Variants in LPCAT3 observed in about 807,000 individuals in gnomAD.
LPCAT3 encodes lysophospholipid acyltransferase 5.
In LPCAT3, 21 loss-of-function variants were observed where a neutral mutation model predicts 63.4. That is an observed-to-expected ratio of 0.33 (90% CI 0.23 to 0.48). The LOEUF (loss-of-function observed/expected upper bound fraction) is 0.48. Among genes scored for constraint, LPCAT3 ranks in the 20% least tolerant of loss-of-function variants. LPCAT3 has a pLI of 0.99. For synonymous variants in LPCAT3, 242 were observed against 227.5 expected (o/e 1.06, Z -0.58); for missense variants, 451 against 590.6 (o/e 0.76, Z 2.45).
chr12:6,999,669 C>T (rs782503883), intron 1 of LPCAT3, among the ~76,000 whole-genome samples: 3 of 152,262 alleles, frequency 2.0e-5, no homozygotes, highest in African/African-American at 7.2e-5. Flanking sequence ...CTAAAAGAGG[C>T]CGTTGACTCA....
intron 7 of LPCAT3, chr12:6,979,129 C>A: frequency 3.0e-6 from 1 of 335,642 alleles, no homozygotes; most frequent in Non-Finnish European, 5.5e-6. Flanking sequence ...CTAGAAGTGC[C>A]CAAATGTATC....
chr12:7,013,172 T>C (rs186687040), intron 1 of LPCAT3, among the ~76,000 whole-genome samples: 1 of 152,320 alleles, frequency 6.6e-6, no homozygotes, highest in Non-Finnish European at 1.5e-5. Flanking sequence ...GAAAAGGAGT[T>C]TGTCAGGTGA....
At position 6,977,739 on chromosome 12, in the gene LPCAT3, G is replaced by T; in HGVS notation, c.1047C>A (p.Ile349=). The T allele has an allele frequency of 6.2e-7, 1 of 1,614,092 alleles. No individual in the cohort carries two copies. Among genetic ancestry groups the T allele is most frequent in the Non-Finnish European group, 8.5e-7 (1 of 1,180,018 alleles). Residue 349 remains isoleucine (I), a synonymous_variant, in exon 10 of 13, where the codon ATC becomes ATA. Coordinates refer to ENST00000261407, the MANE Select transcript of LPCAT3 (RefSeq NM_005768.6). The surrounding 1 kb of genome is among the most constrained non-coding windows in gnomAD (Gnocchi z 4.5). ...TTCCAAGGAACTTGAGTCGTTTGAA[G>T]ATGTAGCTGGAGAAAAGGGTGGGTG... ...INTNAWVARY[I]FKRLKFLGNK...
At chr12:6,990,026 A>C (rs1365086914) in intron 1 of LPCAT3, among the ~76,000 whole-genome samples, 2 of 151,420 alleles carry the variant, frequency 1.3e-5, no homozygotes, top group Non-Finnish European at 2.9e-5. Context: ...TAAAAAAAAT[A>C]GTTGGGTGGG....
At chr12:7,010,165 G>A (rs1555157107) in intron 1 of LPCAT3, among the ~76,000 whole-genome samples, 1 of 152,132 alleles carries the variant, frequency 6.6e-6, no homozygotes, top group African/African-American at 2.4e-5. Flanking sequence ...TTTCTCTACT[G>A]CTCTTTTACG....
intron 1 of LPCAT3, among the ~76,000 whole-genome samples, chr12:6,989,379 G>A (rs1555155200): frequency 1.4e-5 from 2 of 147,600 alleles, no homozygotes; most frequent in Non-Finnish European, 3.0e-5. Context: ...GTGCAATCTC[G>A]GCTCACTGCA....
intron 1 of LPCAT3, among the ~76,000 whole-genome samples, chr12:7,010,966 T>C (rs1444330227): frequency 6.6e-6 from 1 of 152,190 alleles, no homozygotes; most frequent in East Asian, 1.9e-4. Context: ...GTCTCCTGAA[T>C]AGCTGGGACT....
In LPCAT3 at chr12:7,018,275, C is replaced by A; in HGVS notation, c.150G>T (p.Leu50=). ...QALRLIISIF[L]GYPFALFYRH... ...GGAGGGAGGCAGGAGGGTCCTTACC[C>A]AGGAAGATGGAGATGATCAGCCGCA... The change falls in exon 1 of 13, where the codon CTG becomes CTT. Residue 50 remains leucine, a splice_region_variant and synonymous_variant. Coordinates refer to ENST00000261407, the MANE Select transcript of LPCAT3 (RefSeq NM_005768.6). The surrounding 1 kb of genome is among the most constrained non-coding windows in gnomAD (Gnocchi z 4.9). 1 of 1,600,284 alleles carries A rather than the reference C, an allele frequency of 6.2e-7. No homozygotes were observed. The highest frequency in any genetic ancestry group is 8.5e-7 in the Non-Finnish European group (1 of 1,173,878).
rs1228664447 is a variant in LPCAT3 at position 6,977,095 on chromosome 12, T to C, written c.*12+39A>G. 1.4e-5 allele frequency: 18 copies of C among 1,246,752 alleles called. No homozygotes were observed. The highest frequency in any genetic ancestry group is 1.9e-5 in the Non-Finnish European group (16 of 847,336). The allele number at this position is 1,246,752 out of a possible 1,614,324, so 77.2% of individuals were successfully genotyped here. On this transcript the variant is annotated intron_variant, in intron 12 of 12. Coordinates refer to ENST00000261407, the MANE Select transcript of LPCAT3 (RefSeq NM_005768.6). This position sits in a 1 kb window ranked among gnomAD's most constrained non-coding sequence, Gnocchi z 4.5. ...TTTTCCAGTCTGTTGCTCTATTCTG[T>C]AACCTGGTGGTAGTTTTAGTTTAGC... is the stretch of plus-strand genomic sequence containing the variant.
chr12:6,998,072 A>G (rs1555156241), intron 1 of LPCAT3, among the ~76,000 whole-genome samples: 4 of 152,220 alleles, frequency 2.6e-5, no homozygotes, highest in South Asian at 2.1e-4. Context: ...CTGGAGTGCA[A>G]TGGCACAGTC....
At chr12:7,007,527 C>T (rs1156717701) in intron 1 of LPCAT3, among the ~76,000 whole-genome samples, 3 of 140,400 alleles carry the variant, frequency 2.1e-5, no homozygotes, top group Non-Finnish European at 3.0e-5. Context: ...CGGAGTCTCA[C>T]TCTGTCCCCC....
At chr12:7,012,960 T>C (rs781851243) in intron 1 of LPCAT3, among the ~76,000 whole-genome samples, 20 of 152,376 alleles carry the variant, frequency 1.3e-4, no homozygotes, top group Non-Finnish European at 2.6e-4. Context: ...CAAGTATTTA[T>C]CGAGCCTTTT....
Position 6,981,919 on chromosome 12 carries a change from A to G in LPCAT3, c.367-15T>C, listed in dbSNP as rs1555154148. On this transcript the variant is annotated splice_polypyrimidine_tract_variant and intron_variant, in intron 3 of 12. Transcript: ENST00000261407. The stretch of plus-strand genomic sequence containing the variant: ...AGAAGGTAGGCCTAGGAGAGGCAGA[A>G]GTATTTATTCTAGCATCACTACTAT... The G allele has an allele frequency of 1.5e-6, 2 of 1,362,768 alleles. No homozygotes were observed. Among genetic ancestry groups the G allele is most frequent in the South Asian group, 2.3e-5 (2 of 85,934 alleles). 84.4% of individuals were successfully genotyped at this position (1,362,768 alleles called of 1,614,324 possible).
chr12:6,981,705 A>G, intron 4 of LPCAT3, 73 bp from the exon 5 acceptor site: 3 of 892,582 alleles, frequency 3.4e-6, no homozygotes, highest in Admixed American at 2.0e-5. Flanking sequence ...GACTGAGTGC[A>G]GCCAGAAGTG....
chr12:6,993,472 A>G (rs782005473), intron 1 of LPCAT3, among the ~76,000 whole-genome samples: 7 of 151,916 alleles, frequency 4.6e-5, no homozygotes, highest in African/African-American at 1.4e-4. Flanking sequence ...CATCCCCACT[A>G]TCTATCTAAT....
At chr12:6,989,272 G>T (rs1946563633) in intron 1 of LPCAT3, among the ~76,000 whole-genome samples, 1 of 151,664 alleles carries the variant, frequency 6.6e-6, no homozygotes, top group Admixed American at 6.6e-5. Context: ...ACTAGAATGG[G>T]ACCTTTATAA....
chr12:7,002,595 G>A (rs1007959974), intron 1 of LPCAT3, among the ~76,000 whole-genome samples: 1 of 152,318 alleles, frequency 6.6e-6, no homozygotes, highest in Middle Eastern at 3.4e-3. Flanking sequence ...ACCCTGCTAA[G>A]ATTCTAAAGA....
chr12:7,012,455 G>A (rs938837318), intron 1 of LPCAT3, among the ~76,000 whole-genome samples: 2 of 152,078 alleles, frequency 1.3e-5, no homozygotes, highest in Non-Finnish European at 2.9e-5. Flanking sequence ...ATTACCTCAC[G>A]GGTAACTGGC....
At position 6,977,840 on chromosome 12, in the gene LPCAT3, G is replaced by A. The variant is rs1946425614; in HGVS notation, c.1041-95C>T. 2 of 1,457,732 alleles carry A rather than the reference G, an allele frequency of 1.4e-6. No individual in the cohort carries two copies. Among genetic ancestry groups the A allele is most frequent in the Non-Finnish European group, 1.9e-6 (2 of 1,051,246 alleles). 90.3% of individuals were successfully genotyped at this position (1,457,732 alleles called of 1,614,324 possible). ...TCCTCACCCTGAGGATTGGATTGGA[G>A]TGCTGGTGGGTTCCCACGTGTAGCC... On this transcript the variant is annotated intron_variant, in intron 9 of 12. Coordinates refer to ENST00000261407, the MANE Select transcript of LPCAT3 (RefSeq NM_005768.6). The surrounding 1 kb of genome is among the most constrained non-coding windows in gnomAD (Gnocchi z 4.5).
Sources: allele counts gnomAD v4.1 joint callset (sites outside exome capture counted in the v4.1 genomes callset), GRCh38; gene constraint gnomAD v4.1.1; non-coding constraint Gnocchi (gnomAD v3.1); transcripts MANE v1.5; gene names NCBI Gene and HGNC (gene_info 2026-07-23, HGNC 2026-07-21).